Variants in PPM1E observed in about 807,000 individuals in gnomAD.
The protein encoded by PPM1E is protein phosphatase, Mg2+/Mn2+ dependent 1E.
A neutral mutation model predicts 65.9 loss-of-function variants in PPM1E; 20 were observed. The ratio of observed to expected loss-of-function variants is 0.30; its 90% CI spans 0.21 to 0.44. The LOEUF (loss-of-function observed/expected upper bound fraction) is 0.44. Among genes scored for constraint, PPM1E ranks in the 20% least tolerant of loss-of-function variants. PPM1E has a pLI of 1.00. For synonymous variants in PPM1E, 352 were observed against 374.9 expected (o/e 0.94, Z 0.70); for missense variants, 713 against 953.1 (o/e 0.75, Z 3.32).
chr17:58,983,300 C>T lies in PPM1E; in HGVS notation c.*2269C>T, dbSNP rs759412611. 4.7e-5 allele frequency: 8 copies of T among 169,604 alleles called. No homozygotes were observed. Among genetic ancestry groups the T allele is most frequent in the African/African-American group, 9.5e-5 (4 of 41,908 alleles). The allele number at this position is 169,604 out of a possible 1,614,324, so 10.5% of individuals were successfully genotyped here. A position where few individuals can be genotyped will look rare whatever the true frequency, so the allele number is the denominator to read the frequency against. ...CAACTATTCATTTGTTCACAACATGCGTATTTATAGAGTAGTTAGGTACCA... is the reference window on the plus strand; with the variant it reads ...CAACTATTCATTTGTTCACAACATGTGTATTTATAGAGTAGTTAGGTACCA... On this transcript the variant is annotated 3_prime_UTR_variant, in exon 7 of 7. Coordinates refer to ENST00000308249, the MANE Select transcript of PPM1E (RefSeq NM_014906.5).
Position 58,969,682 on chromosome 17 carries a change from C to G in PPM1E, c.927C>G (p.Ala309=). ...PHDPAEALCR[A]FRVTDERFVQ... ...ATCCTGCTGAGGCCCTGTGCAGGGC[C>G]TTCCGGGTCACTGATGAGCGGTTTG... is the stretch of plus-strand genomic sequence containing the variant. Residue 309 remains alanine (A), a synonymous_variant, in exon 4 of 7, where the codon GCC becomes GCG. Coordinates refer to ENST00000308249, the MANE Select transcript of PPM1E (RefSeq NM_014906.5). 2.5e-6 allele frequency: 4 copies of G among 1,614,180 alleles called. No homozygotes were observed. The highest frequency in any genetic ancestry group is 3.4e-6 in the Non-Finnish European group (4 of 1,180,034).
intron 1 of PPM1E, among the ~76,000 whole-genome samples, chr17:58,831,074 A>C (rs992250772): frequency 3.3e-5 from 5 of 149,434 alleles, no homozygotes; most frequent in Admixed American, 1.3e-4. Context: ...GCAGTAGCAC[A>C]ATCTCAGCTC....
Position 58,828,966 on chromosome 17 carries a change from A to G in PPM1E, c.464+72505A>G, listed in dbSNP as rs533778864. Among the ~76,000 whole-genome samples, 7 of 152,290 alleles carry G rather than the reference A, an allele frequency of 4.6e-5. No homozygotes were observed. In the South Asian group the frequency reaches 1.2e-3, roughly 27 times the overall value. On this transcript the variant is annotated intron_variant, in intron 1 of 6. Coordinates refer to ENST00000308249, the MANE Select transcript of PPM1E (RefSeq NM_014906.5). ...TAATCATACCACAACTTCAGGCAAA[A>G]TAATGTTTACATTGTTTGAATTATG...
intron 1 of PPM1E, among the ~76,000 whole-genome samples, chr17:58,785,090 G>A (rs2050086425): frequency 6.6e-6 from 1 of 151,990 alleles, no homozygotes; most frequent in Non-Finnish European, 1.5e-5. Context: ...TCTCTTAAGA[G>A]TTGTATAGTT....
chr17:58,832,993 A>AT (rs1372763184), intron 1 of PPM1E, among the ~76,000 whole-genome samples: 24 of 151,438 alleles, frequency 1.6e-4, no homozygotes, highest in Non-Finnish European at 2.5e-4. Context: ...TAATTTTTGT[A>AT]TTTTTTTCTT....
chr17:58,882,413 G>T, intron 1 of PPM1E, among the ~76,000 whole-genome samples: 1 of 151,060 alleles, frequency 6.6e-6, no homozygotes, highest in Non-Finnish European at 1.5e-5. Context: ...TTTTTGAGAC[G>T]GAGTTTTGCT....
At chr17:58,951,543 T>TC (rs1168712776) in intron 1 of PPM1E, 1 of 152,062 alleles carries the variant, frequency 6.6e-6, no homozygotes, top group African/African-American at 2.4e-5. Flanking sequence ...GGCTGGTGGC[T>TC]CATGCCTGTA....
intron 1 of PPM1E, among the ~76,000 whole-genome samples, chr17:58,923,436 G>A (rs761928501): frequency 6.6e-6 from 1 of 151,908 alleles, no homozygotes; most frequent in Non-Finnish European, 1.5e-5. Flanking sequence ...AACATAGTGG[G>A]ATCCCATTCC....
chr17:58,824,872 T>G (rs1484698489), intron 1 of PPM1E, among the ~76,000 whole-genome samples: 1 of 151,744 alleles, frequency 6.6e-6, no homozygotes. Context: ...CCTCCCAAAG[T>G]GCTAGGATTA....
intron 1 of PPM1E, among the ~76,000 whole-genome samples, chr17:58,803,594 C>A (rs528551523): frequency 1.1e-4 from 17 of 152,280 alleles, no homozygotes; most frequent in African/African-American, 3.8e-4. Context: ...TAGCAGCCTA[C>A]CTGGCCTACA....
At chr17:58,877,044 A>G (rs922168688) in intron 1 of PPM1E, among the ~76,000 whole-genome samples, 3 of 152,208 alleles carry the variant, frequency 2.0e-5, no homozygotes, top group Non-Finnish European at 4.4e-5. Context: ...CGGCCTCCCA[A>G]AGTGCTGGGA....
chr17:58,963,729 A>G (rs1405636587), intron 2 of PPM1E, among the ~76,000 whole-genome samples: 1 of 151,976 alleles, frequency 6.6e-6, no homozygotes, highest in Non-Finnish European at 1.5e-5. Flanking sequence ...AAAATAAAAA[A>G]TAAATAAAAA....
intron 1 of PPM1E, among the ~76,000 whole-genome samples, chr17:58,900,245 T>C (rs1258238493): frequency 6.6e-6 from 1 of 152,220 alleles, no homozygotes; most frequent in African/African-American, 2.4e-5. Context: ...GGCAAAATGT[T>C]GTCAACCAGC....
intron 1 of PPM1E, among the ~76,000 whole-genome samples, chr17:58,863,063 A>C (rs917157607): frequency 6.6e-6 from 1 of 152,368 alleles, no homozygotes; most frequent in African/African-American, 2.4e-5. Flanking sequence ...TCTGACTTTG[A>C]ATGGCTTCAG....
intron 1 of PPM1E, among the ~76,000 whole-genome samples, chr17:58,808,105 T>G (rs1223416182): frequency 1.3e-5 from 2 of 152,226 alleles, no homozygotes; most frequent in Admixed American, 6.5e-5. Flanking sequence ...TAATATCACA[T>G]TTATCAAGTT....
intron 1 of PPM1E, among the ~76,000 whole-genome samples, chr17:58,934,663 C>G (rs1424422890): frequency 6.6e-6 from 1 of 152,140 alleles, no homozygotes; most frequent in African/African-American, 2.4e-5. Flanking sequence ...CACAATGGCT[C>G]AGCCTATAAT....
chr17:58,905,286 A>T (rs2143483084), intron 1 of PPM1E, among the ~76,000 whole-genome samples: 1 of 152,302 alleles, frequency 6.6e-6, no homozygotes, highest in South Asian at 2.1e-4. Context: ...CTTGTTCCTG[A>T]TCTTAGTAGG....
At chr17:58,972,621 G>A (rs1264742139) in intron 5 of PPM1E, among the ~76,000 whole-genome samples, 2 of 152,158 alleles carry the variant, frequency 1.3e-5, no homozygotes, top group Non-Finnish European at 2.9e-5. Flanking sequence ...AAAGTACTGG[G>A]ATTATAGGCG....
At chr17:58,978,610 C>T (rs1476736051) in intron 6 of PPM1E, among the ~76,000 whole-genome samples, 2 of 152,092 alleles carry the variant, frequency 1.3e-5, no homozygotes, top group East Asian at 1.9e-4. Context: ...ACTCCGGAGG[C>T]GGAGGCAGGA....
Sources: gnomAD v4.1 joint callset for allele counts (sites outside exome capture counted in the v4.1 genomes callset) on GRCh38, gnomAD v4.1.1 for gene constraint, MANE v1.5 for transcripts, NCBI Gene and HGNC (gene_info 2026-07-23, HGNC 2026-07-21) for gene names.